Variants in ARHGAP15 observed in about 807,000 individuals in gnomAD.
ARHGAP15 encodes Rho GTPase activating protein 15.
Under a neutral mutation model 63.7 loss-of-function variants are expected in ARHGAP15, and 51 were observed. The ratio of observed to expected loss-of-function variants is 0.80; its 90% CI spans 0.64 to 1.01. The LOEUF (loss-of-function observed/expected upper bound fraction) is 1.01. ARHGAP15 is among the 50% of genes least tolerant of loss of function. The pLI is 0.00. For synonymous variants in ARHGAP15, 191 were observed against 193.8 expected, an observed-to-expected ratio of 0.99 and a Z score of 0.12; for missense variants, 560 against 564.6, an observed-to-expected ratio of 0.99 and a Z score of 0.08.
At chr2:143,660,851 T>C (rs1388511681) in intron 12 of ARHGAP15, among the ~76,000 whole-genome samples, 2 of 152,210 alleles carry the variant, frequency 1.3e-5, no homozygotes, top group African/African-American at 4.8e-5. Context: ...CATCCCACGT[T>C]CTATTAGTTT....
intron 6 of ARHGAP15, among the ~76,000 whole-genome samples, chr2:143,348,479 T>C (rs1448171550): frequency 6.6e-6 from 1 of 152,200 alleles, no homozygotes; most frequent in Non-Finnish European, 1.5e-5. Flanking sequence ...AAAACTGTTA[T>C]TTTCAATTGT....
At chr2:143,278,547 A>G (rs1681681967) in intron 6 of ARHGAP15, among the ~76,000 whole-genome samples, 1 of 152,164 alleles carries the variant, frequency 6.6e-6, no homozygotes, top group African/African-American at 2.4e-5. Flanking sequence ...GACCTTGGGC[A>G]TTATCTATTG....
intron 1 of ARHGAP15, among the ~76,000 whole-genome samples, chr2:143,141,940 A>G (rs1001835011): frequency 4.6e-5 from 7 of 152,018 alleles, no homozygotes; most frequent in African/African-American, 1.7e-4. Flanking sequence ...GTAGGAGAGG[A>G]CCTGTAGACA....
intron 11 of ARHGAP15, among the ~76,000 whole-genome samples, chr2:143,580,220 T>A (rs1475295688): frequency 6.6e-6 from 1 of 151,686 alleles, no homozygotes; most frequent in African/African-American, 2.4e-5. Flanking sequence ...CAACAACGAG[T>A]ATTTAATATG....
intron 2 of ARHGAP15, among the ~76,000 whole-genome samples, chr2:143,199,786 T>C (rs1313819057): frequency 6.6e-6 from 1 of 152,044 alleles, no homozygotes; most frequent in Non-Finnish European, 1.5e-5. Flanking sequence ...GTTTACACCA[T>C]CCATCCACCT....
chr2:143,298,721 A>G (rs187003329), intron 6 of ARHGAP15, among the ~76,000 whole-genome samples: 50 of 152,070 alleles, frequency 3.3e-4, no homozygotes, highest in African/African-American at 1.0e-3. Flanking sequence ...AATAGTGTCT[A>G]TGGATCTCAA....
intron 10 of ARHGAP15, among the ~76,000 whole-genome samples, chr2:143,533,000 T>A (rs1464985581): frequency 6.6e-6 from 1 of 152,226 alleles, no homozygotes; most frequent in Non-Finnish European, 1.5e-5. Context: ...ACAGAACGAC[T>A]ATTTTATGAA....
intron 8 of ARHGAP15, among the ~76,000 whole-genome samples, chr2:143,484,071 T>A (rs1270194497): frequency 6.6e-6 from 1 of 151,804 alleles, no homozygotes; most frequent in Non-Finnish European, 1.5e-5. Flanking sequence ...CTATTAAAAA[T>A]ACAAAAATTA....
chr2:143,467,454 T>A (rs180764758), intron 8 of ARHGAP15, among the ~76,000 whole-genome samples: 8 of 152,162 alleles, frequency 5.3e-5, no homozygotes, highest in African/African-American at 1.9e-4. Flanking sequence ...TGATCACAAA[T>A]GTAACAGTAC....
intron 3 of ARHGAP15, among the ~76,000 whole-genome samples, chr2:143,212,233 T>A (rs985831331): frequency 6.6e-6 from 1 of 152,190 alleles, no homozygotes; most frequent in South Asian, 2.1e-4. Context: ...TGCTCCCCTG[T>A]CTTGTCTGTC....
intron 10 of ARHGAP15, chr2:143,522,082 T>C (rs1387523382): frequency 2.0e-5 from 3 of 152,196 alleles, no homozygotes; most frequent in African/African-American, 7.2e-5. Context: ...AAAGTGATAT[T>C]AGTTACATTT....
intron 2 of ARHGAP15, among the ~76,000 whole-genome samples, chr2:143,171,644 G>A (rs1352915545): frequency 6.6e-6 from 1 of 152,008 alleles, no homozygotes; most frequent in Admixed American, 6.6e-5. Context: ...TCTTGTTGAT[G>A]AAAAATTTGA....
chr2:143,193,097 G>A (rs527518792), intron 2 of ARHGAP15, among the ~76,000 whole-genome samples: 1 of 152,198 alleles, frequency 6.6e-6, no homozygotes, highest in African/African-American at 2.4e-5. Flanking sequence ...TGTGTCCACA[G>A]TTATAATCGA....
chr2:143,542,343 G>A (rs55769935), intron 10 of ARHGAP15, among the ~76,000 whole-genome samples: 35,855 of 151,484 alleles, frequency 0.24, 4,280 homozygotes, highest in East Asian at 0.36. Flanking sequence ...GCGATGCCTC[G>A]CCCTGCTTCG....
intron 8 of ARHGAP15, among the ~76,000 whole-genome samples, chr2:143,457,343 A>AGCCTAGCCAACATAGTAAGACCC (rs1184049877): frequency 6.6e-6 from 1 of 152,054 alleles, no homozygotes; most frequent in Non-Finnish European, 1.5e-5. Flanking sequence ...GTTAAAGACC[A>AGCCTAGCCAACATAGTAAGACCC]GCCTAGCCAA....
intron 2 of ARHGAP15, 119 bp downstream of exon 2, chr2:143,155,774 T>A: frequency 9.8e-7 from 1 of 1,018,840 alleles, no homozygotes; most frequent in East Asian, 2.7e-5. Flanking sequence ...GAAAACTGTT[T>A]TTGTAATGCA....
At chr2:143,358,044 C>T (rs1685880497) in intron 6 of ARHGAP15, among the ~76,000 whole-genome samples, 2 of 152,184 alleles carry the variant, frequency 1.3e-5, no homozygotes. Context: ...CTACTTAGAC[C>T]TAATCATCTG....
intron 11 of ARHGAP15, among the ~76,000 whole-genome samples, chr2:143,595,462 C>T (rs531843579): frequency 3.0e-4 from 46 of 151,982 alleles, no homozygotes; most frequent in Non-Finnish European, 5.4e-4. Flanking sequence ...CGTAATGCCC[C>T]GTGGAATCCT....
intron 2 of ARHGAP15, among the ~76,000 whole-genome samples, chr2:143,160,523 T>C (rs1690249702): frequency 6.6e-6 from 1 of 151,956 alleles, no homozygotes; most frequent in Non-Finnish European, 1.5e-5. Context: ...TTTTAATATT[T>C]TCTATATACA....
Sources: allele counts gnomAD v4.1 joint callset (sites outside exome capture counted in the v4.1 genomes callset), GRCh38; gene constraint gnomAD v4.1.1; transcripts MANE v1.5; gene names NCBI Gene and HGNC (gene_info 2026-07-23, HGNC 2026-07-21).